The following TNFRSF19 variants were observed in gnomAD, a reference collection of about 807,000 sequenced individuals.
The protein encoded by TNFRSF19 is tumor necrosis factor receptor superfamily member 19.
TNFRSF19 carries 27 observed loss-of-function variants against 46.4 expected under a neutral mutation model. The ratio of observed to expected loss-of-function variants is 0.58; its 90% CI spans 0.43 to 0.80. The LOEUF is 0.80. TNFRSF19 is among the 30% of genes least tolerant of loss of function. The probability of loss-of-function intolerance (pLI) is 0.00; values close to 1 mark genes in which losing one functional copy is unlikely to be tolerated. For synonymous variants in TNFRSF19, 204 were observed against 205.0 expected, an observed-to-expected ratio of 1.00 and a Z score of 0.04; for missense variants, 511 against 530.8, an observed-to-expected ratio of 0.96 and a Z score of 0.37.
At chr13:23,668,581 C>A in intron 8 of TNFRSF19, 111 bp from the exon 9 acceptor site, 1 of 1,209,698 alleles carries the variant, frequency 8.3e-7, no homozygotes, top group Non-Finnish European at 1.2e-6. Context: ...AATTCTGATG[C>A]AGTAAATTGC....
At chr13:23,590,904 G>A (rs1038920240) in intron 2 of TNFRSF19, among the ~76,000 whole-genome samples, 3 of 151,908 alleles carry the variant, frequency 2.0e-5, no homozygotes, top group Non-Finnish European at 4.4e-5. Context: ...TTCTAATTTG[G>A]AGCCCATGAC....
At chr13:23,597,597 A>G (rs1879826217) in intron 3 of TNFRSF19, among the ~76,000 whole-genome samples, 1 of 141,062 alleles carries the variant, frequency 7.1e-6, no homozygotes, top group South Asian at 2.4e-4. Flanking sequence ...AAATTGAGGC[A>G]ATAATTAATA....
intron 5 of TNFRSF19, among the ~76,000 whole-genome samples, chr13:23,656,547 ATTGATGAGC>A (rs1237112385): frequency 2.6e-5 from 4 of 152,226 alleles, no homozygotes; most frequent in Non-Finnish European, 5.9e-5. Flanking sequence ...TTTTGTGTCA[ATTGATGAGC>A]TTAATGGTTA....
chr13:23,587,391 G>GCCT (rs1365211647), intron 1 of TNFRSF19, among the ~76,000 whole-genome samples: 113 of 152,240 alleles, frequency 7.4e-4, no homozygotes, highest in African/African-American at 2.6e-3. Flanking sequence ...TCCTAGGCCA[G>GCCT]GCTATGTCAA....
chr13:23,615,261 TA>T (rs1475432070), intron 3 of TNFRSF19, among the ~76,000 whole-genome samples: 1 of 152,196 alleles, frequency 6.6e-6, no homozygotes, highest in East Asian at 1.9e-4. Context: ...TGTTCAAATC[TA>T]GAGAAGCTTG....
intron 3 of TNFRSF19, among the ~76,000 whole-genome samples, chr13:23,595,557 A>G (rs1028168255): frequency 6.6e-6 from 1 of 152,232 alleles, no homozygotes; most frequent in Non-Finnish European, 1.5e-5. Context: ...ACAAGATTAG[A>G]GAAAAAAGAA....
At chr13:23,654,978 T>G (rs772374072) in intron 5 of TNFRSF19, among the ~76,000 whole-genome samples, 3 of 152,220 alleles carry the variant, frequency 2.0e-5, no homozygotes, top group Admixed American at 6.5e-5. Flanking sequence ...TGCTCTTGCC[T>G]TTGTCCAGTG....
intron 7 of TNFRSF19, among the ~76,000 whole-genome samples, chr13:23,667,077 T>C (rs7326794): frequency 0.12 from 17,557 of 150,830 alleles, 1,141 homozygotes; most frequent in East Asian, 0.22. Flanking sequence ...TTTGTGTGTG[T>C]GTGTGTGTGC....
intron 5 of TNFRSF19, among the ~76,000 whole-genome samples, chr13:23,649,430 T>C (rs933205101): frequency 1.3e-5 from 2 of 152,090 alleles, no homozygotes; most frequent in Non-Finnish European, 2.9e-5. Context: ...CATTTCTGAA[T>C]TTAGTAATTT....
At chr13:23,653,340 G>A (rs997139538) in intron 5 of TNFRSF19, among the ~76,000 whole-genome samples, 1 of 152,184 alleles carries the variant, frequency 6.6e-6, no homozygotes, top group Non-Finnish European at 1.5e-5. Context: ...GAGCCTGGTG[G>A]GTGTGTTTGA....
rs868609020 is a variant in TNFRSF19, at chr13:23,647,744, A to C, written c.446-11306A>C. 2.6e-5 allele frequency among the ~76,000 whole-genome samples: 4 copies of C among 152,322 alleles called. No individual in the cohort carries two copies. The Middle Eastern group carries it at 0.01, about 389-fold the overall frequency. ...GAATTTAGGTCTCTGATCTATTTTT[A>C]GTCAACTTTTAAATATGGTGTGAAG... On this transcript the variant is annotated intron_variant, in intron 5 of 9. Transcript: ENST00000248484.
intron 8 of TNFRSF19, 134 bp downstream of exon 8, chr13:23,668,216 G>A (rs1654785947): frequency 1.2e-5 from 10 of 862,734 alleles, no homozygotes; most frequent in Admixed American, 2.8e-5. Flanking sequence ...TATTGGTGGG[G>A]TGCAGTTCTC....
At chr13:23,590,704 G>C (rs1879211314) in intron 2 of TNFRSF19, among the ~76,000 whole-genome samples, 1 of 152,066 alleles carries the variant, frequency 6.6e-6, no homozygotes, top group South Asian at 2.1e-4. Flanking sequence ...TATTATTTTT[G>C]CATGTAATTA....
intron 4 of TNFRSF19, among the ~76,000 whole-genome samples, chr13:23,623,650 G>A (rs371075339): frequency 1.5e-3 from 230 of 152,226 alleles, no homozygotes; most frequent in African/African-American, 5.0e-3. Flanking sequence ...TTTGACAGTA[G>A]CCATCCTTAT....
At chr13:23,596,347 A>G (rs575375582) in intron 3 of TNFRSF19, among the ~76,000 whole-genome samples, 2 of 152,348 alleles carry the variant, frequency 1.3e-5, no homozygotes, top group Admixed American at 1.3e-4. Flanking sequence ...AGTATTCAGG[A>G]GATCCATCTC....
At chr13:23,571,988 A>G (rs974682090) in intron 1 of TNFRSF19, among the ~76,000 whole-genome samples, 1 of 152,120 alleles carries the variant, frequency 6.6e-6, no homozygotes, top group African/African-American at 2.4e-5. Context: ...AAGACCAGTT[A>G]TCCTTTAGTC....
chr13:23,578,292 G>C (rs3814788), intron 1 of TNFRSF19, among the ~76,000 whole-genome samples: 15,633 of 152,152 alleles, frequency 0.1, 854 homozygotes, highest in East Asian at 0.18. Flanking sequence ...TTTGGAAATC[G>C]TTTACCAATA....
At chr13:23,653,635 AG>A (rs912502942) in intron 5 of TNFRSF19, among the ~76,000 whole-genome samples, 16 of 151,946 alleles carry the variant, frequency 1.1e-4, no homozygotes, top group African/African-American at 3.9e-4. Context: ...GATCTGTGGG[AG>A]GGGCAGGGAG....
chr13:23,615,927 A>C lies in TNFRSF19; in HGVS notation c.241A>C (p.Lys81Gln). The stretch of plus-strand genomic sequence containing the variant: ...TGTGACGTGCCGGCTGCACAGGTTC[A>C]AGGAGGACTGGGGCTTCCAGAAATG... The part of the protein sequence containing the change: ...QCVTCRLHRF[K>Q]EDWGFQKCKP... The change falls in exon 4 of 10, where the codon AAG becomes CAG. Residue 81 changes from lysine to glutamine, a missense_variant. Physicochemically the swap from Lys to Gln is moderately conservative, Grantham distance 53. This residue lies in a region of TNFRSF19 where 121 missense variants were observed against 124.1 expected (regional missense o/e 0.98). Coordinates refer to ENST00000248484, the MANE Select transcript of TNFRSF19 (RefSeq NM_148957.4). 6.2e-7 allele frequency: 1 copy of C among 1,614,000 alleles called. No individual in the cohort carries two copies. Among genetic ancestry groups the C allele is most frequent in the Non-Finnish European group, 8.5e-7 (1 of 1,179,892 alleles).
Sources: allele counts gnomAD v4.1 joint callset (sites outside exome capture counted in the v4.1 genomes callset), GRCh38; gene constraint gnomAD v4.1.1; regional missense constraint gnomAD v4.1.1; transcripts MANE v1.5; gene names NCBI Gene and HGNC (gene_info 2026-07-23, HGNC 2026-07-21).